IMPG2: variants seen among roughly 807,000 people sequenced by gnomAD.
The protein encoded by IMPG2 is IPM 200.
Under a neutral mutation model 129.2 loss-of-function variants are expected in IMPG2, and 91 were observed. That is an observed-to-expected ratio of 0.70 (90% confidence interval 0.59 to 0.84). The LOEUF (loss-of-function observed/expected upper bound fraction) is 0.84, where lower values mean the gene tolerates loss of function less well. IMPG2 is among the 40% of genes least tolerant of loss of function. The pLI, the probability that IMPG2 is intolerant of heterozygous loss-of-function variation, is 0.00. For missense variants in IMPG2, 1,430 were observed against 1,461.7 expected, an observed-to-expected ratio of 0.98 and a Z score of 0.35; for synonymous variants, 510 against 517.7, an observed-to-expected ratio of 0.99 and a Z score of 0.20.
intron 11 of IMPG2, among the ~76,000 whole-genome samples, chr3:101,248,082 C>A (rs1559644208): frequency 1.3e-5 from 2 of 152,088 alleles, no homozygotes; most frequent in South Asian, 4.1e-4. Context: ...TGAAATAAAA[C>A]AGAACATACT....
Position 101,242,738 on chromosome 3 carries a change from T to C in IMPG2, c.2972A>G (p.Tyr991Cys). 2 of 1,614,062 alleles carry C rather than the reference T, an allele frequency of 1.2e-6. No homozygotes were observed. Among genetic ancestry groups the C allele is most frequent in the Non-Finnish European group, 1.7e-6 (2 of 1,179,932 alleles). ...ATCAATAGCCAAGTTCATGGTATTG[T>C]AGGCAGTGGTACAAAAGTCTTCCAG... Reference protein sequence around the residue: ...MILEDFCTTAYNTMNLAIDKY... With the variant: ...MILEDFCTTACNTMNLAIDKY... The change falls in exon 14 of 19, where the codon TAC becomes TGC. Residue 991 changes from tyrosine to cysteine, a missense_variant. Transcript: ENST00000193391.
chr3:101,245,597 A>T lies in IMPG2; in HGVS notation c.1543+205T>A, dbSNP rs1706467368. On this transcript the variant is annotated intron_variant, in intron 12 of 18. Coordinates refer to ENST00000193391, the MANE Select transcript of IMPG2 (RefSeq NM_016247.4). ...AATTGATCCCCACCCCAGCTCCCCAAGTTTATTTCTTATTATTTACCTATT... is the reference window on the plus strand; with the variant it reads ...AATTGATCCCCACCCCAGCTCCCCATGTTTATTTCTTATTATTTACCTATT... Among the ~76,000 whole-genome samples the T allele has an allele frequency of 2.0e-5, 3 of 152,104 alleles. No homozygotes were observed. In the South Asian group the frequency reaches 6.2e-4, roughly 32 times the overall value.
At chr3:101,314,625 T>C (rs919345045) in intron 2 of IMPG2, among the ~76,000 whole-genome samples, 5 of 152,268 alleles carry the variant, frequency 3.3e-5, no homozygotes, top group East Asian at 1.9e-4. Context: ...CCTTCCCACA[T>C]ATACACTTTG....
chr3:101,229,371 G>C lies in IMPG2; in HGVS notation c.3633+9C>G. The C allele has an allele frequency of 7.5e-7, 1 of 1,340,124 alleles. No individual in the cohort carries two copies. The highest frequency in any genetic ancestry group is 1.7e-5 in the African/African-American group (1 of 57,780). The allele number at this position is 1,340,124 out of a possible 1,614,324, so 83.0% of individuals were successfully genotyped here. On this transcript the variant is annotated intron_variant, in intron 17 of 18. Transcript: ENST00000193391. ...GCTGCGACAGCAACATAAATGCAAA[G>C]TTTCCCACCTCTCTGGAAAGCTCAC...
At chr3:101,245,523 A>G (rs1015092055) in intron 12 of IMPG2, among the ~76,000 whole-genome samples, 1 of 152,202 alleles carries the variant, frequency 6.6e-6, no homozygotes, top group Non-Finnish European at 1.5e-5. Context: ...TAGTAGCAGT[A>G]ATTTAACTAA....
chr3:101,319,254 G>T (rs961442341), intron 2 of IMPG2, among the ~76,000 whole-genome samples: 3 of 152,168 alleles, frequency 2.0e-5, no homozygotes, highest in African/African-American at 7.2e-5. Context: ...TATTGTGACT[G>T]CCCTCATGTG....
chr3:101,285,650 AGTCT>A (rs1253288149), intron 4 of IMPG2, among the ~76,000 whole-genome samples: 1 of 152,168 alleles, frequency 6.6e-6, no homozygotes, highest in Non-Finnish European at 1.5e-5. Flanking sequence ...ATCATGGAGA[AGTCT>A]GTCTAATATA....
intron 2 of IMPG2, among the ~76,000 whole-genome samples, chr3:101,317,351 T>C (rs551252277): frequency 5.0e-4 from 76 of 152,298 alleles, no homozygotes; most frequent in Non-Finnish European, 9.9e-4. Flanking sequence ...AGGTTAAATA[T>C]AGTTGTGTCT....
At chr3:101,305,109 TA>T (rs1707175469) in intron 2 of IMPG2, among the ~76,000 whole-genome samples, 1 of 152,144 alleles carries the variant, frequency 6.6e-6, no homozygotes, top group African/African-American at 2.4e-5. Flanking sequence ...TGTCCTTCAA[TA>T]GGTGAAAGGA....
chr3:101,310,325 G>A (rs1707248532), intron 2 of IMPG2, among the ~76,000 whole-genome samples: 1 of 152,130 alleles, frequency 6.6e-6, no homozygotes, highest in East Asian at 1.9e-4. Context: ...ACTTTGGGAG[G>A]CCAAAGTAGG....
At chr3:101,316,624 T>C (rs891256926) in intron 2 of IMPG2, among the ~76,000 whole-genome samples, 3 of 152,082 alleles carry the variant, frequency 2.0e-5, no homozygotes, top group Admixed American at 6.6e-5. Context: ...GTTGAGAGGA[T>C]GTGAAGAAAA....
chr3:101,302,390 T>C (rs1707148606), intron 3 of IMPG2, among the ~76,000 whole-genome samples: 1 of 152,178 alleles, frequency 6.6e-6, no homozygotes, highest in African/African-American at 2.4e-5. Context: ...TAAGTATGTA[T>C]ATGTGTGTGT....
chr3:101,243,639 C>G lies in IMPG2; in HGVS notation c.2692G>C (p.Ala898Pro). The change falls in exon 13 of 19, where the codon GCT becomes CCT. Residue 898 changes from alanine (A) to proline (P), a missense_variant. Transcript: ENST00000193391. ...DDLSYTQTSG[A>P]LVVFFSLRVT... is the part of the protein sequence containing the mutation. Reference sequence around the variant, plus strand: ...CGGAGGCTGAAGAAAACCACCAAAGCTCCTGAAGTCTGGGTATAACTCAAG... The same window carrying G: ...CGGAGGCTGAAGAAAACCACCAAAGGTCCTGAAGTCTGGGTATAACTCAAG... 6.2e-7 allele frequency: 1 copy of G among 1,613,984 alleles called. No homozygotes were observed. Among genetic ancestry groups the G allele is most frequent in the Non-Finnish European group, 8.5e-7 (1 of 1,179,966 alleles).
In IMPG2 at chr3:101,223,103, C is replaced by T. The variant is rs1456329878; in HGVS notation, c.*3866G>A. 6.6e-6 allele frequency: 1 copy of T among 152,178 alleles called. No individual in the cohort carries two copies. The highest frequency in any genetic ancestry group is 1.5e-5 in the Non-Finnish European group (1 of 68,030). 9.4% of individuals were successfully genotyped at this position (152,178 alleles called of 1,614,324 possible). A position where few individuals can be genotyped will look rare whatever the true frequency, so the allele number is the denominator to read the frequency against. Reference sequence around the variant, plus strand: ...TGCATGACTCAAGGAAATTTCCAGGCAATTCTTTACATCATGGTACCCTCC... The same window carrying T: ...TGCATGACTCAAGGAAATTTCCAGGTAATTCTTTACATCATGGTACCCTCC... On this transcript the variant is annotated 3_prime_UTR_variant, in exon 19 of 19. Coordinates refer to ENST00000193391, the MANE Select transcript of IMPG2 (RefSeq NM_016247.4).
chr3:101,257,482 C>G, intron 10 of IMPG2, 47 bp downstream of exon 10: 1 of 1,608,264 alleles, frequency 6.2e-7, no homozygotes, highest in Non-Finnish European at 8.5e-7. Flanking sequence ...CCAGAGCATA[C>G]TGGAAAAGAA....
intron 4 of IMPG2, among the ~76,000 whole-genome samples, chr3:101,279,161 C>G (rs1164278076): frequency 6.6e-6 from 1 of 152,160 alleles, no homozygotes; most frequent in Non-Finnish European, 1.5e-5. Flanking sequence ...TCAATAATAA[C>G]AGCAAGAATA....
At chr3:101,317,687 T>C (rs2058792425) in intron 2 of IMPG2, among the ~76,000 whole-genome samples, 1 of 152,208 alleles carries the variant, frequency 6.6e-6, no homozygotes, top group Non-Finnish European at 1.5e-5. Context: ...GCCAACCATC[T>C]TAGCTGTATG....
chr3:101,299,877 G>C (rs1305649609), intron 3 of IMPG2, among the ~76,000 whole-genome samples: 1 of 152,214 alleles, frequency 6.6e-6, no homozygotes, highest in Non-Finnish European at 1.5e-5. Flanking sequence ...GTCTCACCCA[G>C]TTGGGTGACA....
chr3:101,288,681 T>C (rs538129676), intron 4 of IMPG2, among the ~76,000 whole-genome samples: 11 of 152,132 alleles, frequency 7.2e-5, no homozygotes, highest in African/African-American at 2.4e-4. Flanking sequence ...ATAGGAACAA[T>C]AGACACTGTG....
Sources: allele counts gnomAD v4.1 joint callset (sites outside exome capture counted in the v4.1 genomes callset), GRCh38; gene constraint gnomAD v4.1.1; transcripts MANE v1.5; gene names NCBI Gene and HGNC (gene_info 2026-07-23, HGNC 2026-07-21).